Variants in FER1L6 observed in about 807,000 individuals in gnomAD.
FER1L6 encodes the protein fer-1-like protein 6.
Under a neutral mutation model 219.2 loss-of-function variants are expected in FER1L6, and 177 were observed. That is an observed-to-expected ratio of 0.81 (90% CI 0.71 to 0.91). The LOEUF (loss-of-function observed/expected upper bound fraction) is 0.91. FER1L6 is among the 40% of genes least tolerant of loss of function. FER1L6 has a pLI of 0.00. For synonymous variants in FER1L6, 768 were observed against 824.3 expected (o/e 0.93, Z 1.17); for missense variants, 2,153 against 2,259.9 (o/e 0.95, Z 0.96).
At chr8:124,049,462 A>T (rs1819899207) in intron 21 of FER1L6, 145 bp from the exon 22 acceptor site, 1 of 930,626 alleles carries the variant, frequency 1.1e-6, no homozygotes. Flanking sequence ...GGAAATGGGC[A>T]AGAGGAGCTT....
Position 124,103,193 on chromosome 8 carries a change from G to T in FER1L6, c.5173G>T (p.Ala1725Ser). Reference protein sequence around the residue: ...LNSFPRAAKSAKACDLAKFEN... With the variant: ...LNSFPRAAKSSKACDLAKFEN... ...CAGTTTCCCTCGAGCAGCTAAGTCT[G>T]CCAAAGCCTGTGATCTTGCCAAGTT... Residue 1725 changes from alanine (A) to serine (S), a missense_variant, in exon 39 of 41, where the codon GCC (alanine) becomes TCC (serine). Physicochemically the swap from Ala to Ser is moderately conservative, Grantham distance 99. Coordinates refer to ENST00000522917, the MANE Select transcript of FER1L6 (RefSeq NM_001039112.2). The T allele has an allele frequency of 6.2e-7, 1 of 1,614,100 alleles. No homozygotes were observed. Among genetic ancestry groups the T allele is most frequent in the Non-Finnish European group, 8.5e-7 (1 of 1,179,986 alleles).
At chr8:123,973,153 G>A (rs1815898199) in intron 6 of FER1L6, among the ~76,000 whole-genome samples, 1 of 152,192 alleles carries the variant, frequency 6.6e-6, no homozygotes, top group Non-Finnish European at 1.5e-5. Flanking sequence ...ATTTCAGCAG[G>A]AAGAGATGGG....
intron 3 of FER1L6, among the ~76,000 whole-genome samples, chr8:123,965,354 T>C (rs1055240947): frequency 1.3e-5 from 2 of 152,214 alleles, no homozygotes; most frequent in African/African-American, 4.8e-5. Flanking sequence ...GCTCAGTTCA[T>C]TTGCCACTGA....
chr8:124,087,275 CTTTG>C lies in FER1L6; in HGVS notation c.4392-4140_4392-4137del, dbSNP rs569793482. ...TAGGCATGCTTCATTCTTTTCAATT[CTTTG>C]TTTGTTTCCTCTGACTGTGTATTTT... On this transcript the variant is annotated intron_variant, in intron 33 of 40. Coordinates refer to ENST00000522917, the MANE Select transcript of FER1L6 (RefSeq NM_001039112.2). Among the ~76,000 whole-genome samples the C allele has an allele frequency of 2.6e-4, 39 of 151,930 alleles. 1 individual carries two copies. In the South Asian group the frequency reaches 4.6e-3, roughly 18 times the overall value.
chr8:124,025,648 G>A (rs967477770), intron 18 of FER1L6, among the ~76,000 whole-genome samples: 2 of 152,086 alleles, frequency 1.3e-5, no homozygotes, highest in East Asian at 3.8e-4. Context: ...GGATTGCTTT[G>A]GCAATTTGGG....
At chr8:124,032,191 G>A (rs1335966616) in intron 18 of FER1L6, among the ~76,000 whole-genome samples, 3 of 152,154 alleles carry the variant, frequency 2.0e-5, no homozygotes, top group Non-Finnish European at 4.4e-5. Flanking sequence ...TTGGGAGGCC[G>A]AGGCGGGTGG....
chr8:124,035,181 C>T (rs1477509812), intron 18 of FER1L6, 96 bp from the exon 19 acceptor site: 5 of 1,304,546 alleles, frequency 3.8e-6, no homozygotes, highest in Middle Eastern at 5.1e-4. Context: ...GAACATACTT[C>T]CAGGTGTGTC....
rs528506512 is a variant in FER1L6 at position 124,032,932 on chromosome 8, T to C, written c.2287-2345T>C. 4.6e-5 allele frequency among the ~76,000 whole-genome samples: 7 copies of C among 152,256 alleles called. No homozygotes were observed. The East Asian group carries it at 1.4e-3, about 29-fold the overall frequency. On this transcript the variant is annotated intron_variant, in intron 18 of 40. Coordinates refer to ENST00000522917, the MANE Select transcript of FER1L6 (RefSeq NM_001039112.2). ...CAAAATTTCCCAGAGACCAGTTGAA[T>C]TTGAGTGTGCATTTTAACCAGATGC...
At chr8:124,081,343 A>G (rs1586679811) in intron 32 of FER1L6, among the ~76,000 whole-genome samples, 1 of 152,308 alleles carries the variant, frequency 6.6e-6, no homozygotes, top group East Asian at 1.9e-4. Context: ...AAAATCAGAC[A>G]GCATTAATGT....
intron 2 of FER1L6, among the ~76,000 whole-genome samples, chr8:123,961,113 T>A (rs1194011588): frequency 6.6e-6 from 1 of 152,036 alleles, no homozygotes; most frequent in South Asian, 2.1e-4. Context: ...AAGAAAAAAT[T>A]CACCGGTTGT....
chr8:123,867,302 G>A (rs1264544892), intron 1 of FER1L6, among the ~76,000 whole-genome samples: 6 of 152,128 alleles, frequency 3.9e-5, no homozygotes, highest in Non-Finnish European at 8.8e-5. Flanking sequence ...CCCTGGCTAG[G>A]GACAATGTGG....
At chr8:124,055,698 G>T (rs77512429) in intron 22 of FER1L6, among the ~76,000 whole-genome samples, 3,313 of 152,156 alleles carry the variant, frequency 0.022, 120 homozygotes, top group African/African-American at 0.076. Flanking sequence ...TGCTTCCTGT[G>T]TTGGTTTCCT....
intron 1 of FER1L6, among the ~76,000 whole-genome samples, chr8:123,927,224 A>G (rs1813597410): frequency 6.6e-6 from 1 of 152,122 alleles, no homozygotes; most frequent in African/African-American, 2.4e-5. Context: ...GAAGTGAGTC[A>G]GATAGCTCAA....
intron 3 of FER1L6, among the ~76,000 whole-genome samples, chr8:123,963,617 T>C (rs1180794527): frequency 6.6e-6 from 1 of 152,238 alleles, no homozygotes; most frequent in East Asian, 1.9e-4. Flanking sequence ...ATCATGGTTC[T>C]ACAAGCTTCT....
At chr8:124,055,545 C>T (rs7010375) in intron 22 of FER1L6, among the ~76,000 whole-genome samples, 120,971 of 152,056 alleles carry the variant, frequency 0.8, 48,607 homozygotes, top group Non-Finnish European at 0.86. Context: ...TTTCCATTCT[C>T]CATACTTAGA....
chr8:124,065,421 AGC>A (rs1262159053), intron 26 of FER1L6, among the ~76,000 whole-genome samples: 7 of 150,650 alleles, frequency 4.6e-5, no homozygotes, highest in African/African-American at 1.7e-4. Flanking sequence ...AAAAAAAAAA[AGC>A]AGCTCTTAAG....
At chr8:124,081,406 G>A (rs1214722827) in intron 32 of FER1L6, among the ~76,000 whole-genome samples, 2 of 152,040 alleles carry the variant, frequency 1.3e-5, no homozygotes, top group East Asian at 1.9e-4. Flanking sequence ...ACCGAGCTAG[G>A]AATTAGGAAC....
chr8:124,036,582 T>C (rs1819224912), intron 19 of FER1L6, among the ~76,000 whole-genome samples: 1 of 152,224 alleles, frequency 6.6e-6, no homozygotes, highest in Non-Finnish European at 1.5e-5. Flanking sequence ...GCTTTCTTTC[T>C]ACTGTCTTCC....
chr8:123,959,548 G>A (rs1314960157), intron 2 of FER1L6, among the ~76,000 whole-genome samples: 1 of 152,234 alleles, frequency 6.6e-6, no homozygotes, highest in Non-Finnish European at 1.5e-5. Context: ...GATCCTCTCT[G>A]TAGCTACTGA....
Sources: allele counts gnomAD v4.1 joint callset (sites outside exome capture counted in the v4.1 genomes callset), GRCh38; gene constraint gnomAD v4.1.1; transcripts MANE v1.5; gene names NCBI Gene and HGNC (gene_info 2026-07-23, HGNC 2026-07-21).